TMEM191B: variants seen among roughly 807,000 people sequenced by gnomAD.
TMEM191B encodes the protein transmembrane protein 191B.
In TMEM191B, 8 loss-of-function variants were observed where a neutral mutation model predicts 26.6. The ratio of observed to expected loss-of-function variants is 0.30; its 90% CI spans 0.18 to 0.54. TMEM191B has a LOEUF of 0.54. Ranked by LOEUF, TMEM191B falls within the 20% of genes least tolerant of loss-of-function variation. The probability of loss-of-function intolerance (pLI) is 0.94; values close to 1 mark genes in which losing one functional copy is unlikely to be tolerated. For synonymous variants in TMEM191B, 29 were observed against 113.7 expected (o/e 0.26, Z 4.74); for missense variants, 64 against 241.2 (o/e 0.27, Z 4.87).
chr22:18,528,601 G>T lies in TMEM191B; in HGVS notation c.339G>T (p.Gly113=). The T allele has an allele frequency of 7.3e-7, 1 of 1,376,034 alleles. No homozygotes were observed. Among genetic ancestry groups the T allele is most frequent in the South Asian group, 1.4e-5 (1 of 72,202 alleles). The allele number at this position is 1,376,034 out of a possible 1,614,324, so 85.2% of individuals were successfully genotyped here. A position where few individuals can be genotyped will look rare whatever the true frequency, so the allele number is the denominator to read the frequency against. The change falls in exon 2 of 9, where the codon GGG becomes GGT. Residue 113 remains glycine, a synonymous_variant. Transcript: ENST00000612978. ...RRSQAAQPLQ[G]EAREAARERA... ...GCCAGGCAGCGCAGCCTCTGCAAGG[G>T]GAGGCGCGCGAGGCGGCGCGGGAGC... is the stretch of plus-strand genomic sequence containing the variant.
chr22:18,530,524 C>T lies in TMEM191B; in HGVS notation c.*65C>T. 2 of 533,330 alleles carry T rather than the reference C, an allele frequency of 3.8e-6. No homozygotes were observed. The highest frequency in any genetic ancestry group is 5.0e-4 in the Middle Eastern group (1 of 2,000). 33.0% of individuals were successfully genotyped at this position (533,330 alleles called of 1,614,324 possible). On this transcript the variant is annotated 3_prime_UTR_variant, in exon 9 of 9. Transcript: ENST00000612978. ...CACCTGGCTTTATTTCTGGTGCACT[C>T]CTCTCCTGAGAGTGTAGACCAAGGT...
rs1417318931 is a variant in TMEM191B, at chr22:18,530,213, G to GCGCGGC, written c.836+23_836+28dup. ...GGCCATCAGGTGAGCCGGGCGGTGG[G>GCGCGGC]CGCGGCCGCGGTCCCCCACCTGCCC... On this transcript the variant is annotated intron_variant, in intron 8 of 8. Coordinates refer to ENST00000612978, the MANE Select transcript of TMEM191B (RefSeq NM_001242313.1). 7.6e-6 allele frequency: 4 copies of GCGCGGC among 525,864 alleles called. 2 individuals carry two copies. The East Asian group carries it at 3.1e-4, about 41-fold the overall frequency. The allele number at this position is 525,864 out of a possible 1,614,324, so 32.6% of individuals were successfully genotyped here.
chr22:18,528,707 C>A (rs1223999222), intron 2 of TMEM191B, 25 bp downstream of exon 2: 2 of 1,220,942 alleles, frequency 1.6e-6, no homozygotes, highest in Non-Finnish European at 2.2e-6. Context: ...TAGAATGGGG[C>A]TGGACCCAGG....
At position 18,528,653 on chromosome 22, in the gene TMEM191B, G is replaced by C; in HGVS notation, c.391G>C (p.Glu131Gln). The C allele has an allele frequency of 1.3e-6, 2 of 1,490,498 alleles. No individual in the cohort carries two copies. The highest frequency in any genetic ancestry group is 1.8e-6 in the Non-Finnish European group (2 of 1,131,670). The allele number at this position is 1,490,498 out of a possible 1,614,324, so 92.3% of individuals were successfully genotyped here. ...CGCGGAGCGGGTGCGCAGAAGACTGGAGGAGGCGGAGCGCCACAAGGAGGA... is the reference window on the plus strand; with the variant it reads ...CGCGGAGCGGGTGCGCAGAAGACTGCAGGAGGCGGAGCGCCACAAGGAGGA... ...ERAERVRRRL[E>Q]EAERHKEDLE... The change falls in exon 2 of 9, where the codon GAG becomes CAG. Residue 131 changes from glutamate (E) to glutamine (Q), a missense_variant. Physicochemically the swap from Glu to Gln is conservative, Grantham distance 29 (BLOSUM62 2). Coordinates refer to ENST00000612978, the MANE Select transcript of TMEM191B (RefSeq NM_001242313.1).
Position 18,530,181 on chromosome 22 carries a change from G to C in TMEM191B, c.821G>C (p.Arg274Pro). ...GAGACGCGGCTGTTCGGCGGCCCTCGCGCGCTGGCCATCAGGTGAGCCGGG... is the reference window on the plus strand; with the variant it reads ...GAGACGCGGCTGTTCGGCGGCCCTCCCGCGCTGGCCATCAGGTGAGCCGGG... Reference protein sequence around the residue: ...DRETRLFGGPRALAIRRCVLG... With the variant: ...DRETRLFGGPPALAIRRCVLG... Residue 274 changes from arginine (R) to proline (P), a missense_variant, in exon 8 of 9, where the codon CGC becomes CCC. Around this residue, in one of 5 missense-constraint regions of TMEM191B, gnomAD observed 26 missense variants for 127.1 expected, o/e 0.20. Coordinates refer to ENST00000612978, the MANE Select transcript of TMEM191B (RefSeq NM_001242313.1). The C allele has an allele frequency of 9.1e-6, 6 of 657,318 alleles. 1 individual carries two copies. The highest frequency in any genetic ancestry group is 1.5e-4 in the East Asian group (2 of 13,672). The allele number at this position is 657,318 out of a possible 1,614,324, so 40.7% of individuals were successfully genotyped here. A position where few individuals can be genotyped will look rare whatever the true frequency, so the allele number is the denominator to read the frequency against.
At chr22:18,529,213 T>C in intron 4 of TMEM191B, 120 bp downstream of exon 4, 2 of 1,004,916 alleles carry the variant, frequency 2.0e-6, no homozygotes, top group Non-Finnish European at 1.4e-6. Flanking sequence ...GCGGGGGATG[T>C]GGGCGGAGCA....
intron 4 of TMEM191B, 74 bp downstream of exon 4, chr22:18,529,167 G>C (rs1033876180): frequency 7.4e-6 from 7 of 951,188 alleles, no homozygotes; most frequent in Admixed American, 2.5e-5. Context: ...CCACCTGGGG[G>C]TGTGGCTTAA....
chr22:18,529,284 G>T (rs1389658662), intron 4 of TMEM191B, 157 bp from the exon 5 acceptor site: 2 of 392,402 alleles, frequency 5.1e-6, no homozygotes, highest in Admixed American at 1.1e-4. Flanking sequence ...AGGGGGCGTG[G>T]CCATGACCAG....
At chr22:18,529,203 G>T (rs2123842426) in intron 4 of TMEM191B, 110 bp downstream of exon 4, 1 of 1,109,312 alleles carries the variant, frequency 9.0e-7, no homozygotes, top group East Asian at 2.7e-5. Flanking sequence ...CGTGGGCGGG[G>T]CGGGGGATGT....
At position 18,527,997 on chromosome 22, in the gene TMEM191B, T is replaced by C; in HGVS notation, c.17T>C (p.Leu6Pro). Residue 6 changes from leucine (L) to proline (P), a missense_variant, in exon 1 of 9, where the codon CTC becomes CCC. Leu to Pro is a moderately conservative substitution (Grantham distance 98). Around this residue, in one of 5 missense-constraint regions of TMEM191B, gnomAD observed 6 missense variants for 17.7 expected, o/e 0.34. Coordinates refer to ENST00000612978, the MANE Select transcript of TMEM191B (RefSeq NM_001242313.1). ...AGAAGGGGCATGTGTCGGGCTACGCTCGGGCTTCCCCTGCCGCCCATTGTG... is the reference window on the plus strand; with the variant it reads ...AGAAGGGGCATGTGTCGGGCTACGCCCGGGCTTCCCCTGCCGCCCATTGTG... MCRATLGLPLPPIVIQ... is the reference protein window; with the variant it reads MCRATPGLPLPPIVIQ... 2.5e-6 allele frequency: 1 copy of C among 392,306 alleles called. No individual in the cohort carries two copies. Among genetic ancestry groups the C allele is most frequent in the South Asian group, 2.4e-5 (1 of 42,234 alleles). 24.3% of individuals were successfully genotyped at this position (392,306 alleles called of 1,614,324 possible). A position where few individuals can be genotyped will look rare whatever the true frequency, so the allele number is the denominator to read the frequency against.
At chr22:18,529,199 C>CG (rs1171186983) in intron 4 of TMEM191B, 106 bp downstream of exon 4, 1 of 963,624 alleles carries the variant, frequency 1.0e-6, no homozygotes, top group African/African-American at 2.0e-5. Context: ...AAGGCGTGGG[C>CG]GGGGCGGGGG....
In TMEM191B at chr22:18,530,219, C is replaced by A. The variant is rs1440096971; in HGVS notation, c.836+23C>A. 5.7e-6 allele frequency: 3 copies of A among 527,898 alleles called. 1 individual carries two copies. Among genetic ancestry groups the A allele is most frequent in the Non-Finnish European group, 7.5e-6 (3 of 400,992 alleles). The allele number at this position is 527,898 out of a possible 1,614,324, so 32.7% of individuals were successfully genotyped here. A position where few individuals can be genotyped will look rare whatever the true frequency, so the allele number is the denominator to read the frequency against. On this transcript the variant is annotated intron_variant, in intron 8 of 8. Transcript: ENST00000612978. ...CAGGTGAGCCGGGCGGTGGGCGCGG[C>A]CGCGGTCCCCCACCTGCCCGCCTTT...
Position 18,530,520 on chromosome 22 carries a change from C to G in TMEM191B, c.*61C>G, listed in dbSNP as rs1454067611. The G allele has an allele frequency of 1.9e-6, 1 of 535,294 alleles. No individual in the cohort carries two copies. The highest frequency in any genetic ancestry group is 2.5e-6 in the Non-Finnish European group (1 of 398,390). 33.2% of individuals were successfully genotyped at this position (535,294 alleles called of 1,614,324 possible). ...AGGGCACCTGGCTTTATTTCTGGTGCACTCCTCTCCTGAGAGTGTAGACCA... is the reference window on the plus strand; with the variant it reads ...AGGGCACCTGGCTTTATTTCTGGTGGACTCCTCTCCTGAGAGTGTAGACCA... On this transcript the variant is annotated 3_prime_UTR_variant, in exon 9 of 9. Coordinates refer to ENST00000612978, the MANE Select transcript of TMEM191B (RefSeq NM_001242313.1).
Position 18,528,640 on chromosome 22 carries a change from G to C in TMEM191B, c.378G>C (p.Val126=). 6.7e-7 allele frequency: 1 copy of C among 1,484,354 alleles called. No individual in the cohort carries two copies. The allele number at this position is 1,484,354 out of a possible 1,614,324, so 91.9% of individuals were successfully genotyped here. A position where few individuals can be genotyped will look rare whatever the true frequency, so the allele number is the denominator to read the frequency against. Residue 126 remains valine (V), a synonymous_variant, in exon 2 of 9, where the codon GTG becomes GTC. Transcript: ENST00000612978. The stretch of plus-strand genomic sequence containing the variant: ...CGGCGCGGGAGCGCGCGGAGCGGGT[G>C]CGCAGAAGACTGGAGGAGGCGGAGC... ...REAARERAER[V]RRRLEEAERH...
chr22:18,528,579 A>C lies in TMEM191B; in HGVS notation c.317A>C (p.Gln106Pro), dbSNP rs1171082155. 2.0e-5 allele frequency: 28 copies of C among 1,434,780 alleles called. No individual in the cohort carries two copies. The highest frequency in any genetic ancestry group is 2.3e-5 in the Non-Finnish European group (25 of 1,092,400). The allele number at this position is 1,434,780 out of a possible 1,614,324, so 88.9% of individuals were successfully genotyped here. Residue 106 changes from glutamine to proline, a missense_variant, in exon 2 of 9, where the codon CAG (glutamine) becomes CCG (proline). Physicochemically the swap from Gln to Pro is moderately conservative, Grantham distance 76. Around this residue, in one of 5 missense-constraint regions of TMEM191B, gnomAD observed 16 missense variants for 50.5 expected, o/e 0.32. Transcript: ENST00000612978. Reference protein sequence around the residue: ...RERSLLRRRSQAAQPLQGEAR... With the variant: ...RERSLLRRRSPAAQPLQGEAR... ...TGCAGCCTGCTGCGGAGGCGAAGCC[A>C]GGCAGCGCAGCCTCTGCAAGGGGAG...
rs1932830244 is a variant in TMEM191B, at chr22:18,528,644, A to G, written c.382A>G (p.Arg128Gly). The G allele has an allele frequency of 1.3e-6, 2 of 1,482,914 alleles. No individual in the cohort carries two copies. The highest frequency in any genetic ancestry group is 1.8e-6 in the Non-Finnish European group (2 of 1,127,174). 91.9% of individuals were successfully genotyped at this position (1,482,914 alleles called of 1,614,324 possible). Residue 128 changes from arginine (R) to glycine (G), a missense_variant, in exon 2 of 9, where the codon AGA (arginine) becomes GGA (glycine). By Grantham distance (125) the Arg-to-Gly change is moderately radical (BLOSUM62 -2). Coordinates refer to ENST00000612978, the MANE Select transcript of TMEM191B (RefSeq NM_001242313.1). ...GCGGGAGCGCGCGGAGCGGGTGCGC[A>G]GAAGACTGGAGGAGGCGGAGCGCCA... The part of the protein sequence containing the change: ...AARERAERVR[R>G]RLEEAERHKE...
At position 18,528,120 on chromosome 22, in the gene TMEM191B, C is replaced by T; in HGVS notation, c.140C>T (p.Ala47Val). 1 of 498,452 alleles carries T rather than the reference C, an allele frequency of 2.0e-6. No individual in the cohort carries two copies. The highest frequency in any genetic ancestry group is 2.9e-6 in the Non-Finnish European group (1 of 342,546). 30.9% of individuals were successfully genotyped at this position (498,452 alleles called of 1,614,324 possible). ...GGRHLGSVSTAMAATQELLLQ... is the reference protein window; with the variant it reads ...GGRHLGSVSTVMAATQELLLQ... ...CGGCATTTAGGCTCGGTCTCCACAGCCATGGCCGCGACGCAGGAGCTGCTG... is the reference window on the plus strand; with the variant it reads ...CGGCATTTAGGCTCGGTCTCCACAGTCATGGCCGCGACGCAGGAGCTGCTG... The change falls in exon 1 of 9, where the codon GCC (alanine) becomes GTC (valine). Residue 47 changes from alanine (A) to valine (V), a missense_variant. Physicochemically the swap from Ala to Val is moderately conservative, Grantham distance 64. Coordinates refer to ENST00000612978, the MANE Select transcript of TMEM191B (RefSeq NM_001242313.1).
At position 18,529,969 on chromosome 22, in the gene TMEM191B, C is replaced by T; in HGVS notation, c.756C>T (p.Ser252=). Residue 252 remains serine (S), a synonymous_variant, in exon 7 of 9, where the codon AGC becomes AGT. Coordinates refer to ENST00000612978, the MANE Select transcript of TMEM191B (RefSeq NM_001242313.1). The stretch of plus-strand genomic sequence containing the variant: ...GGCAGCTTCGCGGAGTGCAGTACAG[C>T]ACCGAGTCGCTCATGGAGGAGATGG... ...CDGQLRGVQY[S]TESLMEEMAR... is the part of the protein sequence containing the mutation. The T allele has an allele frequency of 1.4e-6, 2 of 1,478,820 alleles. No homozygotes were observed. The highest frequency in any genetic ancestry group is 8.9e-7 in the Non-Finnish European group (1 of 1,126,108). 91.6% of individuals were successfully genotyped at this position (1,478,820 alleles called of 1,614,324 possible). A position where few individuals can be genotyped will look rare whatever the true frequency, so the allele number is the denominator to read the frequency against.
In TMEM191B at chr22:18,529,036, A is replaced by C; in HGVS notation, c.489A>C (p.Glu163Asp). Residue 163 changes from glutamate to aspartate, a missense_variant, in exon 4 of 9, where the codon GAA (glutamate) becomes GAC (aspartate). By Grantham distance (45) the Glu-to-Asp change is conservative. Transcript: ENST00000612978. ...ELSSQLFYGGEPQSQKSTEQQ... is the reference protein window; with the variant it reads ...ELSSQLFYGGDPQSQKSTEQQ... ...GCCCCTAGCTCTTCTACGGAGGGGA[A>C]CCGCAGAGCCAGAAGAGCACGGAGC... 4 of 474,008 alleles carry C rather than the reference A, an allele frequency of 8.4e-6. 1 individual carries two copies. The highest frequency in any genetic ancestry group is 8.7e-6 in the Non-Finnish European group (3 of 345,224). The allele number at this position is 474,008 out of a possible 1,614,324, so 29.4% of individuals were successfully genotyped here. A position where few individuals can be genotyped will look rare whatever the true frequency, so the allele number is the denominator to read the frequency against.
Sources: gnomAD v4.1 joint callset for allele counts on GRCh38, gnomAD v4.1.1 for gene constraint, gnomAD v4.1.1 regional missense constraint, MANE v1.5 for transcripts, NCBI Gene and HGNC (gene_info 2026-07-23, HGNC 2026-07-21) for gene names.